The following PAK5 variants were observed in gnomAD, a reference collection of about 807,000 sequenced individuals.
PAK5 encodes serine/threonine-protein kinase PAK 5.
Under a neutral mutation model 65.9 loss-of-function variants are expected in PAK5, and 16 were observed. The observed-to-expected ratio is 0.24, with a 90% CI of 0.16 to 0.37. The LOEUF is 0.37. Among genes scored for constraint, PAK5 ranks in the 10% least tolerant of loss-of-function variants. PAK5 has a pLI of 1.00. For synonymous variants in PAK5, 371 were observed against 354.9 expected, an observed-to-expected ratio of 1.05 and a Z score of -0.51; for missense variants, 785 against 903.9, an observed-to-expected ratio of 0.87 and a Z score of 1.69.
chr20:9,550,715 T>C (rs569656502), intron 7 of PAK5, among the ~76,000 whole-genome samples: 6 of 141,960 alleles, frequency 4.2e-5, no homozygotes, highest in African/African-American at 1.3e-4. Flanking sequence ...TTAGGAAGCA[T>C]AGAAACCATA....
Position 9,766,411 on chromosome 20 carries a change from ATATATG to A in PAK5, c.-161-54982_-161-54977del, listed in dbSNP as rs1194191298. Among the ~76,000 whole-genome samples, 64 of 55,476 alleles carry A rather than the reference ATATATG, an allele frequency of 1.2e-3. 5 individuals carry two copies. Among genetic ancestry groups the A allele is most frequent in the African/African-American group, 6.1e-3 (53 of 8,680 alleles). 36.4% of individuals were successfully genotyped at this position (55,476 alleles called of 152,430 possible). A position where few individuals can be genotyped will look rare whatever the true frequency, so the allele number is the denominator to read the frequency against. On this transcript the variant is annotated intron_variant, in intron 1 of 9. Coordinates refer to ENST00000353224, the MANE Select transcript of PAK5 (RefSeq NM_177990.4). ...ATGTATATATATATTCAAGCAGAAT[ATATATG>A]TATATATATATTCAAGCAGAATATA...
chr20:9,826,782 C>A (rs1469857354), intron 1 of PAK5, among the ~76,000 whole-genome samples: 1 of 152,192 alleles, frequency 6.6e-6, no homozygotes, highest in Non-Finnish European at 1.5e-5. Flanking sequence ...TATAAAACCC[C>A]AGCTTTCACT....
rs554726712 is a variant in PAK5 at position 9,726,575 on chromosome 20, A to AT, written c.-161-15141dup. ...ATGCAGGTCAAAATTGAGTACAGGGATTTTTTTTAAGCAAATAAAAGTATA... is the reference window on the plus strand; with the variant it reads ...ATGCAGGTCAAAATTGAGTACAGGGATTTTTTTTTAAGCAAATAAAAGTATA... On this transcript the variant is annotated intron_variant, in intron 1 of 9. Transcript: ENST00000353224. Among the ~76,000 whole-genome samples, 29 of 152,146 alleles carry AT rather than the reference A, an allele frequency of 1.9e-4. No homozygotes were observed. The East Asian group carries it at 4.3e-3, about 22-fold the overall frequency.
chr20:9,653,903 A>ATC (rs2047232494), intron 2 of PAK5, among the ~76,000 whole-genome samples: 1 of 151,438 alleles, frequency 6.6e-6, no homozygotes, highest in Admixed American at 6.6e-5. Context: ...CTGATACTGC[A>ATC]TCTCTCTCTG....
chr20:9,755,925 T>C (rs1210791274), intron 1 of PAK5, among the ~76,000 whole-genome samples: 1 of 152,206 alleles, frequency 6.6e-6, no homozygotes, highest in Non-Finnish European at 1.5e-5. Context: ...CTGTTCTTCA[T>C]GGCTCTTATA....
At chr20:9,576,206 G>T (rs1603225399) in intron 4 of PAK5, among the ~76,000 whole-genome samples, 1 of 152,164 alleles carries the variant, frequency 6.6e-6, no homozygotes, top group Non-Finnish European at 1.5e-5. Flanking sequence ...ACATAAAGAA[G>T]TGGAGGCACA....
Position 9,580,552 on chromosome 20 carries a change from A to T in PAK5, c.583T>A (p.Phe195Ile). Reference protein sequence around the residue: ...VKPLKSDFARFSADYHSHLDS... With the variant: ...VKPLKSDFARISADYHSHLDS... ...AAATGTGAGTGATAATCGGCAGAAA[A>T]TCTGGCAAAATCGGATTTCAAAGGC... The change falls in exon 4 of 10, where the codon TTT becomes ATT. Residue 195 changes from phenylalanine (F) to isoleucine (I), a missense_variant. Coordinates refer to ENST00000353224, the MANE Select transcript of PAK5 (RefSeq NM_177990.4). The T allele has an allele frequency of 6.2e-7, 1 of 1,614,060 alleles. No individual in the cohort carries two copies. Among genetic ancestry groups the T allele is most frequent in the Non-Finnish European group, 8.5e-7 (1 of 1,180,020 alleles).
intron 3 of PAK5, among the ~76,000 whole-genome samples, chr20:9,637,269 A>T (rs2046994306): frequency 6.6e-6 from 1 of 152,186 alleles, no homozygotes; most frequent in South Asian, 2.1e-4. Context: ...GGCCTCCCAG[A>T]GTGCTGGATT....
intron 1 of PAK5, among the ~76,000 whole-genome samples, chr20:9,715,686 C>T (rs183705795): frequency 3.2e-4 from 49 of 152,008 alleles, no homozygotes; most frequent in Middle Eastern, 3.4e-3. Context: ...GAAAATGTGG[C>T]ACATATACAC....
intron 1 of PAK5, among the ~76,000 whole-genome samples, chr20:9,786,201 A>G (rs2048990955): frequency 6.6e-6 from 1 of 152,058 alleles, no homozygotes. Flanking sequence ...AAGCACATTC[A>G]ACAACTTCAC....
At chr20:9,793,791 C>T (rs1398819251) in intron 1 of PAK5, among the ~76,000 whole-genome samples, 4 of 151,908 alleles carry the variant, frequency 2.6e-5, no homozygotes, top group Non-Finnish European at 5.9e-5. Flanking sequence ...GATCTAGAAC[C>T]GGAAATACCA....
intron 2 of PAK5, among the ~76,000 whole-genome samples, chr20:9,684,192 G>A (rs1569038757): frequency 1.3e-5 from 2 of 152,200 alleles, no homozygotes; most frequent in African/African-American, 4.8e-5. Flanking sequence ...ACCAGGAGCT[G>A]TAGTTGTTAG....
At chr20:9,730,774 T>C (rs189974936) in intron 1 of PAK5, among the ~76,000 whole-genome samples, 1 of 152,356 alleles carries the variant, frequency 6.6e-6, no homozygotes, top group Admixed American at 6.5e-5. Context: ...TAAGCTCTGA[T>C]TGCTGATTTC....
chr20:9,648,843 T>C (rs1285895726), intron 2 of PAK5, among the ~76,000 whole-genome samples: 1 of 152,154 alleles, frequency 6.6e-6, no homozygotes, highest in Admixed American at 6.5e-5. Context: ...ACCCAGTTGG[T>C]GTGGATGGTG....
intron 3 of PAK5, among the ~76,000 whole-genome samples, chr20:9,641,154 C>A (rs906724137): frequency 6.6e-6 from 1 of 151,852 alleles, no homozygotes; most frequent in South Asian, 2.1e-4. Flanking sequence ...TACAGAGTTT[C>A]GACACACAGG....
At chr20:9,635,656 CTT>C (rs2046974845) in intron 3 of PAK5, among the ~76,000 whole-genome samples, 1 of 152,138 alleles carries the variant, frequency 6.6e-6, no homozygotes, top group Admixed American at 6.5e-5. Context: ...CAGATGAGAA[CTT>C]AGAAATGAAA....
At chr20:9,734,814 G>A (rs576644302) in intron 1 of PAK5, among the ~76,000 whole-genome samples, 152 of 152,262 alleles carry the variant, frequency 1.0e-3, no homozygotes, top group African/African-American at 3.5e-3. Flanking sequence ...AACGAAGGAA[G>A]AGACAGGTAA....
Position 9,644,188 on chromosome 20 carries a change from G to T in PAK5, c.141C>A (p.Ala47=), listed in dbSNP as rs1251101796. The T allele has an allele frequency of 6.2e-7, 1 of 1,610,308 alleles. No individual in the cohort carries two copies. The highest frequency in any genetic ancestry group is 8.5e-7 in the Non-Finnish European group (1 of 1,178,878). Residue 47 remains alanine (A), a synonymous_variant, in exon 3 of 10, where the codon GCC becomes GCA. Coordinates refer to ENST00000353224, the MANE Select transcript of PAK5 (RefSeq NM_177990.4). ...GGTCCACCATAGGCTTTGGCCTGTTGGCCGTATCTGCTAACAGGCTGTGCC... is the reference window on the plus strand; with the variant it reads ...GGTCCACCATAGGCTTTGGCCTGTTTGCCGTATCTGCTAACAGGCTGTGCC... ...QQWHSLLADT[A]NRPKPMVDPS...
intron 3 of PAK5, among the ~76,000 whole-genome samples, chr20:9,627,114 C>G (rs2046855167): frequency 6.6e-6 from 1 of 152,172 alleles, no homozygotes; most frequent in South Asian, 2.1e-4. Context: ...ACATTTTCTT[C>G]TATAGATAAA....
Sources: allele counts gnomAD v4.1 joint callset (sites outside exome capture counted in the v4.1 genomes callset), GRCh38; gene constraint gnomAD v4.1.1; transcripts MANE v1.5; gene names NCBI Gene and HGNC (gene_info 2026-07-23, HGNC 2026-07-21).